DNER: variants seen among roughly 807,000 people sequenced by gnomAD.
The protein encoded by DNER is delta/notch like EGF repeat containing.
DNER carries 33 observed loss-of-function variants against 78.2 expected under a neutral mutation model. That is an observed-to-expected ratio of 0.42 (90% CI 0.32 to 0.56). The LOEUF is 0.56. Among genes scored for constraint, DNER ranks in the 20% least tolerant of loss-of-function variants. The pLI is 0.11. For missense variants in DNER, 918 were observed against 975.3 expected, an observed-to-expected ratio of 0.94 and a Z score of 0.78; for synonymous variants, 417 against 384.8, an observed-to-expected ratio of 1.08 and a Z score of -0.98.
chr2:229,386,265 C>T (rs1321873210), intron 11 of DNER, among the ~76,000 whole-genome samples: 4 of 152,146 alleles, frequency 2.6e-5, no homozygotes, highest in Non-Finnish European at 5.9e-5. Flanking sequence ...ACTGGCTAGC[C>T]ATATGCAGAA....
intron 5 of DNER, among the ~76,000 whole-genome samples, chr2:229,525,351 A>G (rs927327029): frequency 6.6e-6 from 1 of 152,238 alleles, no homozygotes; most frequent in African/African-American, 2.4e-5. Context: ...TTTTAAAAGT[A>G]GAACACTGCA....
intron 1 of DNER, among the ~76,000 whole-genome samples, chr2:229,684,459 A>G (rs1699451077): frequency 6.6e-6 from 1 of 151,810 alleles, no homozygotes; most frequent in Non-Finnish European, 1.5e-5. Context: ...ACCCTGGACA[A>G]TTGCACCCAC....
At chr2:229,364,158 G>C (rs1574806313) in intron 12 of DNER, among the ~76,000 whole-genome samples, 1 of 151,582 alleles carries the variant, frequency 6.6e-6, no homozygotes, top group East Asian at 2.0e-4. Flanking sequence ...CCACATGCCT[G>C]GCCTCCTCTG....
intron 10 of DNER, among the ~76,000 whole-genome samples, chr2:229,402,958 C>A (rs1167093014): frequency 1.3e-5 from 2 of 152,244 alleles, no homozygotes; most frequent in East Asian, 3.9e-4. Context: ...GTTCAGATGA[C>A]TGGAGGAAGC....
chr2:229,698,728 A>T (rs935445841), intron 1 of DNER, among the ~76,000 whole-genome samples: 2 of 152,192 alleles, frequency 1.3e-5, no homozygotes, highest in Non-Finnish European at 2.9e-5. Context: ...TAAAATAAAA[A>T]AATAATAATA....
chr2:229,696,416 C>T (rs1699663481), intron 1 of DNER, among the ~76,000 whole-genome samples: 1 of 152,206 alleles, frequency 6.6e-6, no homozygotes, highest in African/African-American at 2.4e-5. Context: ...TTCTCAAACC[C>T]TGTGCTGTTG....
At chr2:229,426,953 C>A (rs552198150) in intron 8 of DNER, among the ~76,000 whole-genome samples, 2 of 152,320 alleles carry the variant, frequency 1.3e-5, no homozygotes, top group East Asian at 3.9e-4. Context: ...CAGACAATAG[C>A]TGCTGATGTT....
intron 8 of DNER, among the ~76,000 whole-genome samples, chr2:229,418,775 G>C (rs2106349423): frequency 6.6e-6 from 1 of 152,104 alleles, no homozygotes; most frequent in South Asian, 2.1e-4. Context: ...CAAAAAATTA[G>C]CCAGGCGTGG....
At chr2:229,399,233 A>G (rs1453090502) in intron 10 of DNER, among the ~76,000 whole-genome samples, 1 of 151,998 alleles carries the variant, frequency 6.6e-6, no homozygotes, top group East Asian at 1.9e-4. Context: ...CAATTTAAAC[A>G]TACAAAAATC....
rs553024359 is a variant in DNER, at chr2:229,380,638, C to T, written c.1855+7627G>A. ...AACAGTTCCAAAACAATTGAAAACT[C>T]GATTGCAGTCAGGCACGGTGACTCA... On this transcript the variant is annotated intron_variant, in intron 11 of 12. Coordinates refer to ENST00000341772, the MANE Select transcript of DNER (RefSeq NM_139072.4). 4.1e-4 allele frequency among the ~76,000 whole-genome samples: 62 copies of T among 151,382 alleles called. No individual in the cohort carries two copies. In the East Asian group the frequency reaches 6.2e-3, roughly 15 times the overall value.
chr2:229,497,287 G>T (rs1350256452), intron 6 of DNER, among the ~76,000 whole-genome samples: 2 of 151,842 alleles, frequency 1.3e-5, no homozygotes, highest in Admixed American at 1.3e-4. Context: ...AAAACTAATA[G>T]GATGCAGTTA....
intron 1 of DNER, among the ~76,000 whole-genome samples, chr2:229,637,762 A>G (rs1042656307): frequency 6.6e-6 from 1 of 152,226 alleles, no homozygotes; most frequent in African/African-American, 2.4e-5. Context: ...CAGCTGTTAA[A>G]TATTTACCAC....
At chr2:229,395,138 G>A (rs1191729425) in intron 10 of DNER, among the ~76,000 whole-genome samples, 1 of 152,158 alleles carries the variant, frequency 6.6e-6, no homozygotes, top group African/African-American at 2.4e-5. Context: ...TTTGGTTTTT[G>A]GGGGTGCCAG....
chr2:229,630,715 G>T (rs1394642966), intron 1 of DNER, among the ~76,000 whole-genome samples: 1 of 151,934 alleles, frequency 6.6e-6, no homozygotes. Context: ...GCTGAGGTTT[G>T]GGGTATGATT....
chr2:229,426,325 C>G (rs776431102), intron 8 of DNER, among the ~76,000 whole-genome samples: 1 of 151,516 alleles, frequency 6.6e-6, no homozygotes, highest in Non-Finnish European at 1.5e-5. Context: ...CCTGTAGTCC[C>G]AGCTACTCCA....
At chr2:229,644,886 A>G (rs1472920581) in intron 1 of DNER, among the ~76,000 whole-genome samples, 1 of 152,204 alleles carries the variant, frequency 6.6e-6, no homozygotes, top group African/African-American at 2.4e-5. Flanking sequence ...TGAAGTAAAG[A>G]TGAGTAATCG....
At chr2:229,453,800 G>A (rs973894703) in intron 7 of DNER, among the ~76,000 whole-genome samples, 4 of 151,730 alleles carry the variant, frequency 2.6e-5, no homozygotes, top group Non-Finnish European at 4.4e-5. Context: ...GAAGATGGTA[G>A]GCATTTGACC....
chr2:229,628,116 C>A (rs1181233031), intron 1 of DNER, among the ~76,000 whole-genome samples: 1 of 152,186 alleles, frequency 6.6e-6, no homozygotes, highest in Non-Finnish European at 1.5e-5. Context: ...TGGAAGACAG[C>A]TACTGTGTTG....
intron 1 of DNER, among the ~76,000 whole-genome samples, chr2:229,646,957 A>T: frequency 6.6e-6 from 1 of 152,256 alleles, no homozygotes; most frequent in Middle Eastern, 3.2e-3. Context: ...TCACAAGGTC[A>T]AGAGATCGCG....
Sources: allele counts gnomAD v4.1 joint callset (sites outside exome capture counted in the v4.1 genomes callset), GRCh38; gene constraint gnomAD v4.1.1; transcripts MANE v1.5; gene names NCBI Gene and HGNC (gene_info 2026-07-23, HGNC 2026-07-21).